The following TBC1D22B variants were observed in gnomAD, a reference collection of about 807,000 sequenced individuals.
TBC1D22B encodes the protein chromosome 6 open reading frame 197.
In TBC1D22B, 32 loss-of-function variants were observed where a neutral mutation model predicts 69.1. The ratio of observed to expected loss-of-function variants is 0.46; its 90% CI spans 0.35 to 0.62. The LOEUF (loss-of-function observed/expected upper bound fraction) is 0.62. Ranked by LOEUF, TBC1D22B falls within the 20% of genes least tolerant of loss-of-function variation. The pLI is 0.00. For missense variants in TBC1D22B, 462 were observed against 630.9 expected, an observed-to-expected ratio of 0.73 and a Z score of 2.87; for synonymous variants, 206 against 229.8, an observed-to-expected ratio of 0.90 and a Z score of 0.94.
chr6:37,307,357 CTTT>C (rs1162970941), intron 8 of TBC1D22B, among the ~76,000 whole-genome samples: 11 of 137,792 alleles, frequency 8.0e-5, no homozygotes, highest in African/African-American at 2.7e-4. Flanking sequence ...TCTTTTTTTT[CTTT>C]TTTTTTTTTT....
At chr6:37,310,067 ATAAT>A (rs968465070) in intron 8 of TBC1D22B, among the ~76,000 whole-genome samples, 1 of 146,910 alleles carries the variant, frequency 6.8e-6, no homozygotes, top group Non-Finnish European at 1.5e-5. Context: ...TATATAATGT[ATAAT>A]TATATTTAAA....
At position 37,269,769 on chromosome 6, in the gene TBC1D22B, G is replaced by A. The variant is rs1766423267; in HGVS notation, c.113+119G>A. On this transcript the variant is annotated intron_variant, in intron 2 of 12. Transcript: ENST00000373491. The stretch of plus-strand genomic sequence containing the variant: ...TTTAGCGTCTCTTCTGCCCTATTTT[G>A]GACCAGGAGATGAGCAATGTTCTTA... 10 of 885,076 alleles carry A rather than the reference G, an allele frequency of 1.1e-5. No individual in the cohort carries two copies. In the South Asian group the frequency reaches 1.1e-4, roughly 10 times the overall value. 54.8% of individuals were successfully genotyped at this position (885,076 alleles called of 1,614,324 possible). A position where few individuals can be genotyped will look rare whatever the true frequency, so the allele number is the denominator to read the frequency against.
chr6:37,294,328 G>A (rs575107173), intron 8 of TBC1D22B, among the ~76,000 whole-genome samples: 4 of 152,112 alleles, frequency 2.6e-5, no homozygotes, highest in South Asian at 2.1e-4. Context: ...CACCACACCC[G>A]GCTAACTTTA....
At chr6:37,267,562 C>T (rs1481734548) in intron 1 of TBC1D22B, among the ~76,000 whole-genome samples, 2 of 140,614 alleles carry the variant, frequency 1.4e-5, no homozygotes, top group Non-Finnish European at 3.0e-5. Context: ...TATATATATA[C>T]ACACACACAT....
intron 1 of TBC1D22B, among the ~76,000 whole-genome samples, chr6:37,261,631 G>T (rs1414970893): frequency 6.6e-6 from 1 of 152,030 alleles, no homozygotes; most frequent in East Asian, 1.9e-4. Flanking sequence ...CATAATAATT[G>T]GTTAGGAGGT....
chr6:37,312,299 T>G (rs925654938), intron 8 of TBC1D22B, among the ~76,000 whole-genome samples: 1 of 152,306 alleles, frequency 6.6e-6, no homozygotes, highest in South Asian at 2.1e-4. Context: ...TTGAGTGTTC[T>G]GTAGGATTGA....
intron 12 of TBC1D22B, among the ~76,000 whole-genome samples, chr6:37,322,603 C>T (rs1768283591): frequency 6.6e-6 from 1 of 152,216 alleles, no homozygotes. Flanking sequence ...GACCTGCTAT[C>T]CCCATAGGTG....
chr6:37,267,504 A>ATATATATAATATATATATACAC (rs1562039829), intron 1 of TBC1D22B, among the ~76,000 whole-genome samples: 1 of 2,282 alleles, frequency 4.4e-4, no homozygotes, highest in Non-Finnish European at 1.0e-3. Context: ...TATATACACT[A>ATATATATAATATATATATACAC]TATATATAAT....
Position 37,331,297 on chromosome 6 carries a change from G to A in TBC1D22B, c.*125G>A, listed in dbSNP as rs964057527. 4.9e-5 allele frequency: 47 copies of A among 963,598 alleles called. No homozygotes were observed. The highest frequency in any genetic ancestry group is 3.4e-4 in the Middle Eastern group (1 of 2,940). 59.7% of individuals were successfully genotyped at this position (963,598 alleles called of 1,614,324 possible). A position where few individuals can be genotyped will look rare whatever the true frequency, so the allele number is the denominator to read the frequency against. ...CTGTTGTACAAAGCTCACACCCACC[G>A]CCCAGGTCTTAACTTTCTGGCATCC... On this transcript the variant is annotated 3_prime_UTR_variant, in exon 13 of 13. Coordinates refer to ENST00000373491, the MANE Select transcript of TBC1D22B (RefSeq NM_017772.4).
chr6:37,280,288 G>T (rs772477433), intron 3 of TBC1D22B, among the ~76,000 whole-genome samples: 20 of 152,152 alleles, frequency 1.3e-4, no homozygotes, highest in South Asian at 4.1e-4. Flanking sequence ...TGCCCTAATG[G>T]GTTTTATAAA....
At chr6:37,279,172 C>T in intron 2 of TBC1D22B, 132 bp from the exon 3 acceptor site, 1 of 819,990 alleles carries the variant, frequency 1.2e-6, no homozygotes, top group South Asian at 1.8e-5. Context: ...TGGATGTGGG[C>T]AATTTTTGTT....
At chr6:37,326,562 G>A (rs924248362) in intron 12 of TBC1D22B, among the ~76,000 whole-genome samples, 12 of 152,118 alleles carry the variant, frequency 7.9e-5, no homozygotes, top group Non-Finnish European at 1.8e-4. Context: ...GCCGAGGTGG[G>A]CAGATCCCGA....
At chr6:37,282,462 T>C (rs1458071213) in intron 4 of TBC1D22B, 98 bp downstream of exon 4, 2 of 1,356,462 alleles carry the variant, frequency 1.5e-6, no homozygotes, top group Non-Finnish European at 2.0e-6. Context: ...TCTTTTACTT[T>C]TCTAGCTTCT....
chr6:37,316,170 G>A (rs1768070739), intron 10 of TBC1D22B, among the ~76,000 whole-genome samples: 3 of 152,232 alleles, frequency 2.0e-5, no homozygotes, highest in African/African-American at 7.2e-5. Flanking sequence ...AGCTGGTTTT[G>A]TTGAATATGG....
At chr6:37,283,720 A>C (rs1158573408) in intron 5 of TBC1D22B, among the ~76,000 whole-genome samples, 1 of 152,224 alleles carries the variant, frequency 6.6e-6, no homozygotes, top group Non-Finnish European at 1.5e-5. Flanking sequence ...AGAAAATATA[A>C]GAATGAGAGT....
chr6:37,275,782 T>G (rs1032699819), intron 2 of TBC1D22B, among the ~76,000 whole-genome samples: 1 of 152,174 alleles, frequency 6.6e-6, no homozygotes, highest in Non-Finnish European at 1.5e-5. Flanking sequence ...TTATATGTAT[T>G]TATTTGTGAA....
Position 37,331,257 on chromosome 6 carries a change from G to C in TBC1D22B, c.*85G>C. On this transcript the variant is annotated 3_prime_UTR_variant, in exon 13 of 13. Transcript: ENST00000373491. ...GGCCACTGTGCGAGCCGTGGACCCC[G>C]GCCAGGAACCACTCCTGTTGTACAA... is the stretch of plus-strand genomic sequence containing the variant. The C allele has an allele frequency of 7.0e-7, 1 of 1,428,272 alleles. No homozygotes were observed. The highest frequency in any genetic ancestry group is 2.3e-4 in the Middle Eastern group (1 of 4,382). 88.5% of individuals were successfully genotyped at this position (1,428,272 alleles called of 1,614,324 possible).
At chr6:37,305,351 C>T (rs574158667) in intron 8 of TBC1D22B, among the ~76,000 whole-genome samples, 1 of 152,080 alleles carries the variant, frequency 6.6e-6, no homozygotes, top group Non-Finnish European at 1.5e-5. Context: ...ATGCACAGTT[C>T]GATGAATTTC....
At chr6:37,293,299 G>T (rs960407250) in intron 8 of TBC1D22B, among the ~76,000 whole-genome samples, 1 of 151,816 alleles carries the variant, frequency 6.6e-6, no homozygotes, top group African/African-American at 2.4e-5. Flanking sequence ...GGATGGTCTC[G>T]ATCTCCTGAC....
Sources: gnomAD v4.1 joint callset for allele counts (sites outside exome capture counted in the v4.1 genomes callset) on GRCh38, gnomAD v4.1.1 for gene constraint, MANE v1.5 for transcripts, NCBI Gene and HGNC (gene_info 2026-07-23, HGNC 2026-07-21) for gene names.